TDRD9: variants seen among roughly 807,000 people sequenced by gnomAD.
The protein encoded by TDRD9 is ATP-dependent RNA helicase TDRD9.
TDRD9 carries 124 observed loss-of-function variants against 172.6 expected under a neutral mutation model. That is an observed-to-expected ratio of 0.72 (90% CI 0.62 to 0.83). TDRD9 has a LOEUF of 0.83. Ranked by LOEUF, TDRD9 falls within the 40% of genes least tolerant of loss-of-function variation. The pLI, the probability that TDRD9 is intolerant of heterozygous loss-of-function variation, is 0.00. For synonymous variants in TDRD9, 619 were observed against 617.1 expected (o/e 1.00, Z -0.05); for missense variants, 1,479 against 1,714.1 (o/e 0.86, Z 2.42).
chr14:104,037,020 C>G (rs2035469837), intron 32 of TDRD9, among the ~76,000 whole-genome samples: 1 of 151,074 alleles, frequency 6.6e-6, no homozygotes, highest in African/African-American at 2.4e-5. Flanking sequence ...CACTCTGTCT[C>G]TAAGGTTGGA....
chr14:103,936,160 C>T (rs534777980), intron 1 of TDRD9, among the ~76,000 whole-genome samples: 11 of 152,280 alleles, frequency 7.2e-5, no homozygotes, highest in Admixed American at 6.5e-5. Context: ...CGTTTCACTG[C>T]AGCCTTGACG....
intron 7 of TDRD9, among the ~76,000 whole-genome samples, chr14:103,978,124 A>AC (rs2033328669): frequency 6.6e-6 from 1 of 151,662 alleles, no homozygotes; most frequent in South Asian, 2.1e-4. Context: ...TGCTTTGTTC[A>AC]CTTTGCCCAG....
At chr14:104,031,322 G>T in intron 29 of TDRD9, 59 bp downstream of exon 29, 1 of 1,458,658 alleles carries the variant, frequency 6.9e-7, no homozygotes, top group Non-Finnish European at 9.3e-7. Flanking sequence ...ACATTTATGT[G>T]CTAGGAGTTG....
intron 7 of TDRD9, among the ~76,000 whole-genome samples, chr14:103,981,462 A>G (rs986407571): frequency 5.3e-5 from 8 of 152,190 alleles, no homozygotes; most frequent in Admixed American, 3.9e-4. Flanking sequence ...GTTCAATAGA[A>G]TAGAGAATGT....
chr14:103,935,979 A>AT (rs200689329), intron 1 of TDRD9, among the ~76,000 whole-genome samples: 2,477 of 151,764 alleles, frequency 0.016, 66 homozygotes, highest in African/African-American at 0.056. Context: ...AATAATAATA[A>AT]TTTTTTTTTA....
chr14:103,986,865 C>T (rs1222707682), intron 8 of TDRD9, among the ~76,000 whole-genome samples: 1 of 152,154 alleles, frequency 6.6e-6, no homozygotes, highest in Non-Finnish European at 1.5e-5. Context: ...CCTGTAATCC[C>T]AGCACTTTGG....
chr14:103,978,238 G>C (rs187818710), intron 7 of TDRD9, among the ~76,000 whole-genome samples: 1 of 151,950 alleles, frequency 6.6e-6, no homozygotes, highest in African/African-American at 2.4e-5. Context: ...GAAATTGTAT[G>C]AATCTGTACA....
chr14:104,020,818 A>G (rs2034931715), intron 23 of TDRD9, among the ~76,000 whole-genome samples: 1 of 152,148 alleles, frequency 6.6e-6, no homozygotes, highest in Admixed American at 6.5e-5. Flanking sequence ...CAGGGGCATT[A>G]GAACTTGCAT....
chr14:104,008,862 C>T (rs1184882862), intron 20 of TDRD9, among the ~76,000 whole-genome samples: 3 of 151,988 alleles, frequency 2.0e-5, no homozygotes, highest in Admixed American at 6.6e-5. Context: ...TTCAGTGAGC[C>T]GTGATCGCAC....
chr14:103,992,125 T>C (rs2033892885), intron 9 of TDRD9, among the ~76,000 whole-genome samples: 1 of 152,226 alleles, frequency 6.6e-6, no homozygotes, highest in East Asian at 1.9e-4. Flanking sequence ...TGAGTTCCCT[T>C]CTCAGTGTTT....
chr14:103,928,818 T>G, intron 1 of TDRD9, 94 bp downstream of exon 1: 1 of 339,178 alleles, frequency 2.9e-6, no homozygotes, highest in Non-Finnish European at 4.8e-6. Flanking sequence ...CGCGAGCCCG[T>G]GCCCTCTCGC....
intron 9 of TDRD9, among the ~76,000 whole-genome samples, chr14:103,993,616 C>T (rs1437500670): frequency 1.3e-5 from 2 of 152,154 alleles, no homozygotes; most frequent in East Asian, 1.9e-4. Flanking sequence ...GCCGTCAGTC[C>T]CTAGTGCTCC....
intron 13 of TDRD9, among the ~76,000 whole-genome samples, chr14:104,001,284 G>A (rs965324208): frequency 7.9e-5 from 12 of 152,176 alleles, no homozygotes; most frequent in Admixed American, 4.6e-4. Flanking sequence ...CTGCAGCTTC[G>A]TAATTTCCGG....
chr14:103,961,136 A>G (rs888002342), intron 2 of TDRD9, among the ~76,000 whole-genome samples: 13 of 152,220 alleles, frequency 8.5e-5, no homozygotes, highest in East Asian at 3.8e-4. Flanking sequence ...ATGTTCAAGA[A>G]GGCCTAGGTA....
At chr14:103,931,133 A>G (rs536524493) in intron 1 of TDRD9, among the ~76,000 whole-genome samples, 44 of 130,938 alleles carry the variant, frequency 3.4e-4, no homozygotes, top group African/African-American at 1.1e-3. Flanking sequence ...TGTCTCTACC[A>G]AAAAAAAAAA....
intron 8 of TDRD9, among the ~76,000 whole-genome samples, chr14:103,990,951 A>T (rs771552014): frequency 6.6e-6 from 1 of 152,266 alleles, no homozygotes; most frequent in African/African-American, 2.4e-5. Flanking sequence ...ATTGGGAGTC[A>T]AAAGGCTTAA....
intron 8 of TDRD9, among the ~76,000 whole-genome samples, chr14:103,990,812 G>C (rs2033836632): frequency 6.6e-6 from 1 of 152,208 alleles, no homozygotes; most frequent in African/African-American, 2.4e-5. Flanking sequence ...CTTTCTAATA[G>C]TTTGGACTCA....
chr14:104,016,146 T>C, intron 22 of TDRD9, 58 bp downstream of exon 22: 1 of 1,199,442 alleles, frequency 8.3e-7, no homozygotes, highest in Non-Finnish European at 1.2e-6. Context: ...ACATTTTTGT[T>C]CTCTAATTGT....
chr14:103,939,722 C>G (rs374289864), intron 1 of TDRD9: 179 of 11,572 alleles, frequency 0.015, no homozygotes, highest in African/African-American at 0.052. Context: ...ATATTTAGTT[C>G]TAGTCTTTTT....
Sources: allele counts gnomAD v4.1 joint callset (sites outside exome capture counted in the v4.1 genomes callset), GRCh38; gene constraint gnomAD v4.1.1; transcripts MANE v1.5; gene names NCBI Gene and HGNC (gene_info 2026-07-23, HGNC 2026-07-21).